The following BCAS3 variants were observed in gnomAD, a reference collection of about 807,000 sequenced individuals.
BCAS3 encodes BCAS3 microtubule associated cell migration factor, also known as BCAS4/BCAS3 fusion.
Under a neutral mutation model 116.1 loss-of-function variants are expected in BCAS3, and 53 were observed. The ratio of observed to expected loss-of-function variants is 0.46; its 90% CI spans 0.37 to 0.57. The LOEUF is 0.57. Ranked by LOEUF, BCAS3 falls within the 20% of genes least tolerant of loss-of-function variation. The pLI, the probability that BCAS3 is intolerant of heterozygous loss-of-function variation, is 0.00. For missense variants in BCAS3, 917 were observed against 1,165.4 expected, an observed-to-expected ratio of 0.79 and a Z score of 3.10; for synonymous variants, 391 against 408.2, an observed-to-expected ratio of 0.96 and a Z score of 0.51.
chr17:60,838,840 T>G (rs1023173712), intron 7 of BCAS3, among the ~76,000 whole-genome samples: 5 of 152,188 alleles, frequency 3.3e-5, no homozygotes, highest in African/African-American at 1.2e-4. Context: ...GGTTTCATTA[T>G]GTTGCTCAGG....
At chr17:61,230,374 T>C (rs935848930) in intron 22 of BCAS3, among the ~76,000 whole-genome samples, 2 of 152,124 alleles carry the variant, frequency 1.3e-5, no homozygotes, top group African/African-American at 4.8e-5. Context: ...GGGGCACATG[T>C]GCAGGTTTAT....
At chr17:61,359,750 C>T (rs1396139556) in intron 22 of BCAS3, among the ~76,000 whole-genome samples, 2 of 152,136 alleles carry the variant, frequency 1.3e-5, no homozygotes, top group African/African-American at 2.4e-5. Flanking sequence ...CTTGGCCTCC[C>T]GAAGTGCTGG....
At chr17:60,685,558 A>T (rs1175053415) in intron 3 of BCAS3, among the ~76,000 whole-genome samples, 1 of 152,144 alleles carries the variant, frequency 6.6e-6, no homozygotes, top group African/African-American at 2.4e-5. Context: ...CTTTCTAAAC[A>T]TCAGTATCCT....
chr17:61,250,176 A>G lies in BCAS3; in HGVS notation c.2426-118151A>G, dbSNP rs777722839. 3.3e-5 allele frequency among the ~76,000 whole-genome samples: 5 copies of G among 152,200 alleles called. No homozygotes were observed. The East Asian group carries it at 9.6e-4, about 29-fold the overall frequency. On this transcript the variant is annotated intron_variant, in intron 22 of 23. Transcript: ENST00000407086. ...ATAATTGTCTGCATATGATTTGACA[A>G]ACATAAGACCTCAGTGTTCCTAGAT...
chr17:60,712,149 A>G (rs1038604700), intron 5 of BCAS3, among the ~76,000 whole-genome samples: 1 of 149,258 alleles, frequency 6.7e-6, no homozygotes, highest in Non-Finnish European at 1.5e-5. Flanking sequence ...TGGGTGACAG[A>G]GTGAGACTCT....
At chr17:61,121,877 C>T (rs62082940) in intron 22 of BCAS3, among the ~76,000 whole-genome samples, 292 of 152,134 alleles carry the variant, frequency 1.9e-3, no homozygotes, top group Middle Eastern at 6.8e-3. Context: ...TTACAGGCGC[C>T]TGCCACCACG....
chr17:61,040,985 C>A (rs575026208), intron 19 of BCAS3, 93 bp downstream of exon 19: 1 of 1,039,560 alleles, frequency 9.6e-7, no homozygotes, highest in East Asian at 2.4e-5. Context: ...ACCACTGGTC[C>A]ATAGGCCATG....
Position 61,347,679 on chromosome 17 carries a change from T to A in BCAS3, c.2426-20648T>A, listed in dbSNP as rs1602929720. Among the ~76,000 whole-genome samples the A allele has an allele frequency of 6.6e-6, 1 of 152,324 alleles. No homozygotes were observed. The highest frequency in any genetic ancestry group is 1.9e-4 in the East Asian group (1 of 5,190). ...TGGTGCACAATAGACATCTGTTTTG[T>A]CTGTTGTGGAATTGGTGACTCTAGG... is the stretch of plus-strand genomic sequence containing the variant. On this transcript the variant is annotated intron_variant, in intron 22 of 23. Transcript: ENST00000407086. The surrounding 1 kb of genome is among the most constrained non-coding windows in gnomAD (Gnocchi z 4.3).
intron 22 of BCAS3, among the ~76,000 whole-genome samples, chr17:61,312,217 GT>G (rs1220200160): frequency 2.0e-5 from 3 of 152,186 alleles, no homozygotes; most frequent in Non-Finnish European, 2.9e-5. Flanking sequence ...GATTCTGCAT[GT>G]TGTGCTTATT....
rs747313072 is a variant in BCAS3, at chr17:61,243,067, A to G, written c.2426-125260A>G. 3.2e-4 allele frequency among the ~76,000 whole-genome samples: 48 copies of G among 152,100 alleles called. No individual in the cohort carries two copies. The highest frequency in any genetic ancestry group is 5.9e-4 in the Non-Finnish European group (40 of 67,980). On this transcript the variant is annotated intron_variant, in intron 22 of 23. Coordinates refer to ENST00000407086, the MANE Select transcript of BCAS3 (RefSeq NM_017679.5). The surrounding 1 kb of genome is among the most constrained non-coding windows in gnomAD (Gnocchi z 5.6). ...GCTGGGACTACAGGCGCGCACCACC[A>G]CACCCATCTAATTTTTGTATTTTTA...
chr17:60,965,577 C>A (rs1360201828), intron 14 of BCAS3, among the ~76,000 whole-genome samples: 1 of 151,998 alleles, frequency 6.6e-6, no homozygotes, highest in Non-Finnish European at 1.5e-5. Context: ...TTTAAAATTT[C>A]TTTCTTAATT....
chr17:60,968,437 G>A (rs141613355), intron 14 of BCAS3, among the ~76,000 whole-genome samples: 80 of 152,194 alleles, frequency 5.3e-4, no homozygotes, highest in African/African-American at 1.8e-3. Context: ...TCATTGTGTT[G>A]CCCTGCCTGT....
rs1159700868 is a variant in BCAS3, at chr17:61,366,434, A to G, written c.2426-1893A>G. 2.6e-5 allele frequency among the ~76,000 whole-genome samples: 4 copies of G among 152,236 alleles called. No homozygotes were observed. Among genetic ancestry groups the G allele is most frequent in the Admixed American group, 2.6e-4 (4 of 15,280 alleles). ...GCAGTGAGTCGGCAGCAGAATCAGA[A>G]GCTTAGTGGATGTCAGCAGTCCTGT... is the stretch of plus-strand genomic sequence containing the variant. On this transcript the variant is annotated intron_variant, in intron 22 of 23. Coordinates refer to ENST00000407086, the MANE Select transcript of BCAS3 (RefSeq NM_017679.5). The surrounding 1 kb of genome is among the most constrained non-coding windows in gnomAD (Gnocchi z 4.5).
intron 6 of BCAS3, among the ~76,000 whole-genome samples, chr17:60,756,526 T>A (rs1441153428): frequency 6.6e-6 from 1 of 152,216 alleles, no homozygotes; most frequent in African/African-American, 2.4e-5. Flanking sequence ...ACATGTGACA[T>A]CTGAATTTCT....
At chr17:61,312,901 TG>T (rs1260062055) in intron 22 of BCAS3, among the ~76,000 whole-genome samples, 2 of 152,208 alleles carry the variant, frequency 1.3e-5, no homozygotes, top group Admixed American at 6.5e-5. Context: ...ACAACTTAAG[TG>T]GGCATAACCG....
intron 22 of BCAS3, among the ~76,000 whole-genome samples, chr17:61,168,062 T>C (rs2078622809): frequency 6.6e-6 from 1 of 152,220 alleles, no homozygotes; most frequent in Non-Finnish European, 1.5e-5. Flanking sequence ...CATTGGCTTT[T>C]ATCACTCATT....
chr17:61,274,637 A>G (rs2050619661), intron 22 of BCAS3, among the ~76,000 whole-genome samples: 1 of 152,084 alleles, frequency 6.6e-6, no homozygotes, highest in Non-Finnish European at 1.5e-5. Context: ...AAAAACCTAC[A>G]GCCAACACCA....
At chr17:60,926,057 G>A (rs1458047451) in intron 13 of BCAS3, among the ~76,000 whole-genome samples, 2 of 152,042 alleles carry the variant, frequency 1.3e-5, no homozygotes, top group Admixed American at 6.5e-5. Flanking sequence ...GGTCAGGTGT[G>A]GATTCTCCAG....
chr17:61,058,208 T>C (rs1718546789), intron 19 of BCAS3, among the ~76,000 whole-genome samples: 2 of 152,198 alleles, frequency 1.3e-5, no homozygotes, highest in African/African-American at 4.8e-5. Flanking sequence ...ATTGTCTCTC[T>C]GCAGCTTCAG....
Sources: allele counts gnomAD v4.1 joint callset (sites outside exome capture counted in the v4.1 genomes callset), GRCh38; gene constraint gnomAD v4.1.1; non-coding constraint Gnocchi (gnomAD v3.1); transcripts MANE v1.5; gene names NCBI Gene and HGNC (gene_info 2026-07-23, HGNC 2026-07-21).